SCHIP1: variants seen among roughly 807,000 people sequenced by gnomAD.
SCHIP1 encodes schwannomin interacting protein 1, also known as schwannomin-interacting protein 1.
SCHIP1 carries 8 observed loss-of-function variants against 29.7 expected under a neutral mutation model. The observed-to-expected ratio is 0.27, with a 90% confidence interval of 0.16 to 0.49. The LOEUF (loss-of-function observed/expected upper bound fraction) is 0.49. Ranked by LOEUF, SCHIP1 falls within the 20% of genes least tolerant of loss-of-function variation. The pLI is 0.99. For synonymous variants in SCHIP1, 76 were observed against 94.9 expected, an observed-to-expected ratio of 0.80 and a Z score of 1.16; for missense variants, 193 against 294.6, an observed-to-expected ratio of 0.66 and a Z score of 2.52.
chr3:159,350,758 G>A, the SCHIP1 span, among the ~76,000 whole-genome samples: 1 of 151,886 alleles, frequency 6.6e-6, no homozygotes, highest in African/African-American at 2.4e-5. Context: ...TTTTTCCCCT[G>A]GTGGCAAGAG....
intron 6 of SCHIP1, among the ~76,000 whole-genome samples, chr3:159,895,963 T>A (rs562110138): frequency 1.3e-5 from 2 of 152,338 alleles, no homozygotes; most frequent in African/African-American, 2.4e-5. Flanking sequence ...CCCAGAGTGC[T>A]GGAATTACAG....
the SCHIP1 span, among the ~76,000 whole-genome samples, chr3:159,752,568 A>T: frequency 2.0e-5 from 3 of 152,272 alleles, no homozygotes; most frequent in African/African-American, 7.2e-5. Flanking sequence ...GCTTTTACTT[A>T]TGACAGAAGG....
the SCHIP1 span, among the ~76,000 whole-genome samples, chr3:159,505,991 G>A: frequency 6.6e-6 from 1 of 152,160 alleles, no homozygotes; most frequent in Non-Finnish European, 1.5e-5. Flanking sequence ...ACCCAGTAAT[G>A]GGATGGCTGG....
At chr3:159,806,278 C>T in the SCHIP1 span, among the ~76,000 whole-genome samples, 1 of 152,150 alleles carries the variant, frequency 6.6e-6, no homozygotes, top group Admixed American at 6.5e-5. Context: ...TTATTATAAG[C>T]AGATCAACAT....
chr3:159,475,648 C>A, the SCHIP1 span, among the ~76,000 whole-genome samples: 1 of 152,096 alleles, frequency 6.6e-6, no homozygotes, highest in African/African-American at 2.4e-5. Context: ...TAGCTTCATG[C>A]TGAAAACATA....
the SCHIP1 span, among the ~76,000 whole-genome samples, chr3:159,574,539 G>A: frequency 6.6e-6 from 1 of 152,224 alleles, no homozygotes; most frequent in East Asian, 1.9e-4. Flanking sequence ...CTACTGGGAA[G>A]TGTCTCCCAG....
At chr3:159,413,761 A>G in the SCHIP1 span, among the ~76,000 whole-genome samples, 1 of 152,182 alleles carries the variant, frequency 6.6e-6, no homozygotes, top group Non-Finnish European at 1.5e-5. Context: ...CTATGGCCCT[A>G]CTGTCACTTT....
At chr3:159,685,234 T>G in the SCHIP1 span, among the ~76,000 whole-genome samples, 3 of 152,346 alleles carry the variant, frequency 2.0e-5, no homozygotes, top group East Asian at 5.8e-4. Context: ...AATAGGAAGT[T>G]GTTCTCCTAC....
the SCHIP1 span, among the ~76,000 whole-genome samples, chr3:159,397,640 A>AG: frequency 6.6e-6 from 1 of 152,106 alleles, no homozygotes; most frequent in African/African-American, 2.4e-5. Flanking sequence ...CTTGGGGGTC[A>AG]GGGGTCAGGG....
the SCHIP1 span, among the ~76,000 whole-genome samples, chr3:159,599,136 T>A: frequency 6.6e-6 from 1 of 152,204 alleles, no homozygotes; most frequent in African/African-American, 2.4e-5. Flanking sequence ...TGTTTCTTAG[T>A]CCATTCAGCC....
chr3:159,608,441 G>C, the SCHIP1 span, among the ~76,000 whole-genome samples: 1 of 152,172 alleles, frequency 6.6e-6, no homozygotes, highest in African/African-American at 2.4e-5. Context: ...GACTAGGACA[G>C]TTACTGTTTT....
chr3:159,876,457 G>T (rs925475773), intron 2 of SCHIP1, among the ~76,000 whole-genome samples: 1 of 152,172 alleles, frequency 6.6e-6, no homozygotes, highest in African/African-American at 2.4e-5. Context: ...ACTTCATGGG[G>T]TTACTGTGAG....
chr3:159,598,982 T>C, the SCHIP1 span, among the ~76,000 whole-genome samples: 4 of 152,100 alleles, frequency 2.6e-5, no homozygotes, highest in African/African-American at 9.7e-5. Context: ...TGCTTTTTTT[T>C]ACTCTTCTTG....
chr3:159,680,687 G>A, the SCHIP1 span, among the ~76,000 whole-genome samples: 10 of 47,288 alleles, frequency 2.1e-4, no homozygotes, highest in South Asian at 1.0e-3. Context: ...TATAATATAT[G>A]TATATATATA....
the SCHIP1 span, among the ~76,000 whole-genome samples, chr3:159,334,321 TAA>T: frequency 6.6e-6 from 1 of 152,184 alleles, no homozygotes; most frequent in African/African-American, 2.4e-5. Flanking sequence ...AGATTTTCTA[TAA>T]GAGACAGTTA....
the SCHIP1 span, among the ~76,000 whole-genome samples, chr3:159,737,279 G>A: frequency 2.0e-5 from 3 of 152,042 alleles, no homozygotes; most frequent in Non-Finnish European, 2.9e-5. Context: ...TCCCAAACTA[G>A]AAAGCATACA....
the SCHIP1 span, among the ~76,000 whole-genome samples, chr3:159,560,483 G>T: frequency 1.3e-5 from 2 of 152,128 alleles, no homozygotes; most frequent in South Asian, 4.1e-4. Context: ...CGTGATCTTT[G>T]CAGTGGTCTT....
chr3:159,618,453 T>C, the SCHIP1 span, among the ~76,000 whole-genome samples: 1 of 137,284 alleles, frequency 7.3e-6, no homozygotes, highest in Non-Finnish European at 1.5e-5. Flanking sequence ...TTAGAAAACA[T>C]ATGTATGTAC....
At chr3:159,483,808 A>G in the SCHIP1 span, among the ~76,000 whole-genome samples, 8 of 152,262 alleles carry the variant, frequency 5.3e-5, no homozygotes, top group East Asian at 9.7e-4. Context: ...GTATGCATAT[A>G]TTTTGCAGTG....
Sources: gnomAD v4.1 joint callset for allele counts (sites outside exome capture counted in the v4.1 genomes callset) on GRCh38, gnomAD v4.1.1 for gene constraint, MANE v1.5 for transcripts, NCBI Gene and HGNC (gene_info 2026-07-23, HGNC 2026-07-21) for gene names.